Variants in GPC6 observed in about 807,000 individuals in gnomAD.
The protein encoded by GPC6 is glypican-6.
GPC6 carries 14 observed loss-of-function variants against 55.2 expected under a neutral mutation model. The ratio of observed to expected loss-of-function variants is 0.25; its 90% confidence interval spans 0.17 to 0.40. The LOEUF is 0.40. Among genes scored for constraint, GPC6 ranks in the 10% least tolerant of loss-of-function variants. GPC6 has a pLI of 1.00. For synonymous variants in GPC6, 278 were observed against 259.6 expected (o/e 1.07, Z -0.68); for missense variants, 641 against 708.5 (o/e 0.90, Z 1.08).
chr13:94,357,036 T>C (rs1020180043), intron 6 of GPC6, among the ~76,000 whole-genome samples: 2 of 152,170 alleles, frequency 1.3e-5, no homozygotes, highest in South Asian at 2.1e-4. Context: ...ATCTGGACCA[T>C]TGCCCACCCC....
intron 1 of GPC6, among the ~76,000 whole-genome samples, chr13:93,467,048 C>G (rs1203395550): frequency 2.0e-5 from 3 of 152,138 alleles, no homozygotes; most frequent in African/African-American, 7.2e-5. Flanking sequence ...GGGTTCAGCC[C>G]CATGTTTTCT....
intron 1 of GPC6, among the ~76,000 whole-genome samples, chr13:93,359,108 A>C (rs772527228): frequency 1.3e-5 from 2 of 151,710 alleles, no homozygotes. Flanking sequence ...CTAGGGCTAC[A>C]GATGCGTGCC....
intron 3 of GPC6, among the ~76,000 whole-genome samples, chr13:94,014,653 C>G (rs970971621): frequency 7.9e-5 from 12 of 152,106 alleles, no homozygotes; most frequent in Non-Finnish European, 1.5e-4. Flanking sequence ...AAAACTTAGG[C>G]CCATCAGCAG....
chr13:93,492,075 G>C (rs1880035715), intron 1 of GPC6, among the ~76,000 whole-genome samples: 1 of 144,374 alleles, frequency 6.9e-6, no homozygotes, highest in Non-Finnish European at 1.5e-5. Context: ...TTGGTAGCTT[G>C]ATGGGGATGG....
At chr13:93,708,813 G>A (rs1396946183) in intron 2 of GPC6, among the ~76,000 whole-genome samples, 1 of 151,700 alleles carries the variant, frequency 6.6e-6, no homozygotes. Context: ...TCCAACTAGG[G>A]AAACCAACTT....
chr13:94,369,393 T>C (rs577641607), intron 6 of GPC6, among the ~76,000 whole-genome samples: 1 of 152,196 alleles, frequency 6.6e-6, no homozygotes, highest in South Asian at 2.1e-4. Context: ...CTCCTGTGGG[T>C]AGGTAGACAG....
chr13:93,738,936 T>TACAC (rs56928879), intron 2 of GPC6, among the ~76,000 whole-genome samples: 13,288 of 145,472 alleles, frequency 0.091, 771 homozygotes, highest in South Asian at 0.21. Context: ...CACTTGGTTT[T>TACAC]ACACACACAC....
intron 1 of GPC6, among the ~76,000 whole-genome samples, chr13:93,456,903 C>T (rs531141516): frequency 6.6e-6 from 1 of 152,196 alleles, no homozygotes; most frequent in African/African-American, 2.4e-5. Context: ...GTAATAATCC[C>T]CACATGTCAA....
chr13:93,629,238 T>C (rs888311150), intron 2 of GPC6, among the ~76,000 whole-genome samples: 4 of 152,166 alleles, frequency 2.6e-5, no homozygotes, highest in Non-Finnish European at 5.9e-5. Flanking sequence ...AAATTGGAAC[T>C]ATATTGCTTG....
At chr13:94,115,112 C>CAAACT (rs2138845413) in intron 4 of GPC6, among the ~76,000 whole-genome samples, 1 of 152,246 alleles carries the variant, frequency 6.6e-6, no homozygotes, top group East Asian at 1.9e-4. Flanking sequence ...AGAAAGTGTA[C>CAAACT]AAGTGCTCTC....
At chr13:93,830,129 T>C (rs1441819406) in intron 2 of GPC6, 25 bp from the exon 3 acceptor site, 1 of 1,591,348 alleles carries the variant, frequency 6.3e-7, no homozygotes, top group East Asian at 2.2e-5. Context: ...CATTAATTTA[T>C]GACTTCTTTC....
intron 1 of GPC6, among the ~76,000 whole-genome samples, chr13:93,243,152 G>A (rs557209640): frequency 2.0e-5 from 3 of 152,338 alleles, no homozygotes; most frequent in African/African-American, 7.2e-5. Context: ...CCAGCAGTCT[G>A]CTGCAAGGGC....
intron 1 of GPC6, among the ~76,000 whole-genome samples, chr13:93,293,243 G>A (rs1036473781): frequency 2.6e-5 from 4 of 150,984 alleles, no homozygotes; most frequent in African/African-American, 9.7e-5. Flanking sequence ...GGTATTAGGG[G>A]GAAAAAAACA....
At chr13:93,304,164 C>T (rs777882009) in intron 1 of GPC6, among the ~76,000 whole-genome samples, 2 of 152,100 alleles carry the variant, frequency 1.3e-5, no homozygotes, top group Admixed American at 6.5e-5. Context: ...CTGCGCCTGG[C>T]CGTAGAGACT....
intron 7 of GPC6, among the ~76,000 whole-genome samples, chr13:94,387,085 G>C (rs1880442742): frequency 6.6e-6 from 1 of 152,120 alleles, no homozygotes; most frequent in African/African-American, 2.4e-5. Flanking sequence ...AATAGAACAG[G>C]ATACACAGCA....
At chr13:93,369,573 A>G (rs1171427132) in intron 1 of GPC6, among the ~76,000 whole-genome samples, 2 of 152,150 alleles carry the variant, frequency 1.3e-5, no homozygotes, top group Non-Finnish European at 2.9e-5. Context: ...TAGTCACAGC[A>G]TGTAAGGCTA....
chr13:93,537,215 T>C (rs1882097144), intron 1 of GPC6, among the ~76,000 whole-genome samples: 1 of 152,324 alleles, frequency 6.6e-6, no homozygotes, highest in Admixed American at 6.5e-5. Flanking sequence ...TTAGGGACAT[T>C]AGCAACTGTT....
At chr13:93,463,586 T>A (rs1444858721) in intron 1 of GPC6, among the ~76,000 whole-genome samples, 1 of 152,176 alleles carries the variant, frequency 6.6e-6, no homozygotes, top group Non-Finnish European at 1.5e-5. Flanking sequence ...TGTAGGTATC[T>A]CATTAGTAAT....
At chr13:93,898,940 A>AATAT (rs66531953) in intron 3 of GPC6, among the ~76,000 whole-genome samples, 20,180 of 136,342 alleles carry the variant, frequency 0.15, 1,504 homozygotes, top group Middle Eastern at 0.21. Flanking sequence ...ATTATATATA[A>AATAT]ATATATATAT....
Sources: allele counts gnomAD v4.1 joint callset (sites outside exome capture counted in the v4.1 genomes callset), GRCh38; gene constraint gnomAD v4.1.1; transcripts MANE v1.5; gene names NCBI Gene and HGNC (gene_info 2026-07-23, HGNC 2026-07-21).